PTPRG: variants seen among roughly 807,000 people sequenced by gnomAD.
PTPRG encodes receptor-type tyrosine-protein phosphatase gamma.
In PTPRG, 102 loss-of-function variants were observed where a neutral mutation model predicts 165.3. That is an observed-to-expected ratio of 0.62 (90% confidence interval 0.53 to 0.73). The LOEUF is 0.73. Ranked by LOEUF, PTPRG falls within the 30% of genes least tolerant of loss-of-function variation. The pLI is 0.00. For missense variants in PTPRG, 1,866 were observed against 1,861.4 expected (o/e 1.00, Z -0.05); for synonymous variants, 675 against 669.5 (o/e 1.01, Z -0.13).
intron 4 of PTPRG, among the ~76,000 whole-genome samples, chr3:62,061,730 G>C (rs189554824): frequency 0.013 from 1,981 of 151,458 alleles, 34 homozygotes; most frequent in Non-Finnish European, 0.021. Flanking sequence ...CTGGGTTTCA[G>C]CGATTCTCCT....
At chr3:61,574,041 T>C (rs879063072) in intron 1 of PTPRG, among the ~76,000 whole-genome samples, 4 of 151,926 alleles carry the variant, frequency 2.6e-5, no homozygotes, top group Non-Finnish European at 5.9e-5. Context: ...TTTTTTTTTT[T>C]CCTCTCTTGT....
intron 4 of PTPRG, among the ~76,000 whole-genome samples, chr3:62,067,401 T>C (rs1701053094): frequency 1.3e-5 from 2 of 152,140 alleles, no homozygotes; most frequent in African/African-American, 4.8e-5. Context: ...CCAACCTTTT[T>C]GGCACGAGGG....
chr3:62,115,434 A>AGGT (rs1321854705), intron 5 of PTPRG, among the ~76,000 whole-genome samples: 2 of 152,184 alleles, frequency 1.3e-5, no homozygotes, highest in Non-Finnish European at 2.9e-5. Flanking sequence ...ATAAGCAGGT[A>AGGT]GGTTACCACT....
chr3:61,653,449 A>T lies in PTPRG; in HGVS notation c.85+91077A>T, dbSNP rs115133321. On this transcript the variant is annotated intron_variant, in intron 1 of 29. Transcript: ENST00000474889. Reference sequence around the variant, plus strand: ...TACTTTTCTGTCATTTTAATGTTGGACATTTTATTTGTTTTCATTTTTTTT... The same window carrying T: ...TACTTTTCTGTCATTTTAATGTTGGTCATTTTATTTGTTTTCATTTTTTTT... 4.2e-3 allele frequency among the ~76,000 whole-genome samples: 504 copies of T among 120,826 alleles called. 2 individuals carry two copies. The highest frequency in any genetic ancestry group is 0.015 in the African/African-American group (474 of 31,466). The allele number at this position is 120,826 out of a possible 152,430, so 79.3% of individuals were successfully genotyped here.
At chr3:61,880,233 A>C (rs1482703628) in intron 2 of PTPRG, among the ~76,000 whole-genome samples, 2 of 152,254 alleles carry the variant, frequency 1.3e-5, no homozygotes, top group African/African-American at 4.8e-5. Context: ...AGAGGCTGAC[A>C]GATTAAGAAA....
intron 1 of PTPRG, among the ~76,000 whole-genome samples, chr3:61,648,685 T>C (rs764344278): frequency 3.3e-5 from 5 of 152,198 alleles, no homozygotes; most frequent in African/African-American, 4.8e-5. Context: ...CCATCTGTAA[T>C]ACAGTCAGAG....
At chr3:62,016,650 C>T (rs1460969760) in intron 4 of PTPRG, among the ~76,000 whole-genome samples, 1 of 152,210 alleles carries the variant, frequency 6.6e-6, no homozygotes, top group Non-Finnish European at 1.5e-5. Context: ...CACTCTTTAT[C>T]CAGTAACCAA....
chr3:61,807,796 A>T (rs1273236391), intron 2 of PTPRG, among the ~76,000 whole-genome samples: 1 of 152,050 alleles, frequency 6.6e-6, no homozygotes. Context: ...GTATATTGAG[A>T]CTATTTATTC....
At chr3:62,136,909 C>T (rs1046867855) in intron 6 of PTPRG, among the ~76,000 whole-genome samples, 25 of 152,168 alleles carry the variant, frequency 1.6e-4, no homozygotes, top group Non-Finnish European at 3.4e-4. Context: ...AATACAGTAA[C>T]ATTGCTTCTC....
intron 2 of PTPRG, among the ~76,000 whole-genome samples, chr3:61,777,127 T>G (rs2034407328): frequency 6.6e-6 from 1 of 152,196 alleles, no homozygotes; most frequent in Non-Finnish European, 1.5e-5. Context: ...GACATTTCTC[T>G]TAGTCAATAC....
At chr3:61,830,365 G>A (rs1032130407) in intron 2 of PTPRG, among the ~76,000 whole-genome samples, 1 of 152,072 alleles carries the variant, frequency 6.6e-6, no homozygotes, top group Admixed American at 6.6e-5. Context: ...TAATTTAGTT[G>A]TGTAATTACA....
At chr3:61,908,309 C>A (rs962869668) in intron 2 of PTPRG, among the ~76,000 whole-genome samples, 4 of 150,086 alleles carry the variant, frequency 2.7e-5, no homozygotes, top group Non-Finnish European at 4.4e-5. Flanking sequence ...GCCTGTAGTC[C>A]CAGCTACTCG....
chr3:61,761,144 T>C (rs983234243), intron 2 of PTPRG, among the ~76,000 whole-genome samples: 1 of 152,240 alleles, frequency 6.6e-6, no homozygotes, highest in African/African-American at 2.4e-5. Flanking sequence ...TCTAATGGTA[T>C]TTCTGATTCT....
intron 1 of PTPRG, among the ~76,000 whole-genome samples, chr3:61,644,802 A>C (rs1230429534): frequency 6.6e-6 from 1 of 152,190 alleles, no homozygotes; most frequent in Non-Finnish European, 1.5e-5. Context: ...TTCTGTCTCT[A>C]GTTGCTTGTA....
Position 61,627,550 on chromosome 3 carries a change from CT to C in PTPRG, c.85+65179del, listed in dbSNP as rs548670947. ...TGTAACCTTTTTACCTCAAAGTAATCTAAGTATAAATATGGTCACTAACTGC... is the reference window on the plus strand; with the variant it reads ...TGTAACCTTTTTACCTCAAAGTAATCAAGTATAAATATGGTCACTAACTGC... On this transcript the variant is annotated intron_variant, in intron 1 of 29. Transcript: ENST00000474889. Among the ~76,000 whole-genome samples the C allele has an allele frequency of 7.2e-5, 11 of 152,234 alleles. No homozygotes were observed. The South Asian group carries it at 2.1e-3, about 29-fold the overall frequency.
At chr3:61,671,028 C>A (rs1225354433) in intron 1 of PTPRG, among the ~76,000 whole-genome samples, 1 of 151,566 alleles carries the variant, frequency 6.6e-6, no homozygotes, top group East Asian at 1.9e-4. Context: ...GTGCCCATTT[C>A]CAAGCTGTCA....
At chr3:62,086,031 A>G (rs1410810758) in intron 5 of PTPRG, among the ~76,000 whole-genome samples, 2 of 152,312 alleles carry the variant, frequency 1.3e-5, no homozygotes, top group Admixed American at 6.5e-5. Context: ...TATCTTATGT[A>G]TATTTTTAAA....
intron 1 of PTPRG, among the ~76,000 whole-genome samples, chr3:61,716,459 T>C (rs896428706): frequency 6.6e-6 from 1 of 152,292 alleles, no homozygotes; most frequent in East Asian, 1.9e-4. Context: ...ATTATTAATA[T>C]TTAAGTCAGG....
intron 2 of PTPRG, among the ~76,000 whole-genome samples, chr3:61,936,922 G>C (rs576289586): frequency 1.3e-5 from 2 of 152,306 alleles, no homozygotes; most frequent in Middle Eastern, 6.8e-3. Context: ...AGCAGAACTT[G>C]ATCCTTGAAG....
Sources: allele counts gnomAD v4.1 joint callset (sites outside exome capture counted in the v4.1 genomes callset), GRCh38; gene constraint gnomAD v4.1.1; transcripts MANE v1.5; gene names NCBI Gene and HGNC (gene_info 2026-07-23, HGNC 2026-07-21).